The following SLC16A10 variants were observed in gnomAD, a reference collection of about 807,000 sequenced individuals.
SLC16A10 encodes the protein monocarboxylate transporter 10.
In SLC16A10, 27 loss-of-function variants were observed where a neutral mutation model predicts 40.0. That is an observed-to-expected ratio of 0.67 (90% CI 0.50 to 0.93). SLC16A10 has a LOEUF of 0.93. Ranked by LOEUF, SLC16A10 falls within the 40% of genes least tolerant of loss-of-function variation. The pLI is 0.00. For synonymous variants in SLC16A10, 213 were observed against 249.8 expected (o/e 0.85, Z 1.39); for missense variants, 529 against 658.2 (o/e 0.80, Z 2.15).
chr6:111,172,620 T>C, intron 1 of SLC16A10, 75 bp from the exon 2 acceptor site: 1 of 1,548,056 alleles, frequency 6.5e-7, no homozygotes, highest in Non-Finnish European at 8.8e-7. Flanking sequence ...TCTAAATGTG[T>C]ATTATATCAA....
At chr6:111,178,659 G>A (rs1170535797) in intron 3 of SLC16A10, 1 of 213,272 alleles carries the variant, frequency 4.7e-6, no homozygotes, top group Non-Finnish European at 9.3e-6. Flanking sequence ...TTTTGTGGCT[G>A]AAAATGTATT....
At chr6:111,133,062 T>A (rs1266747828) in intron 1 of SLC16A10, among the ~76,000 whole-genome samples, 3 of 152,082 alleles carry the variant, frequency 2.0e-5, no homozygotes, top group African/African-American at 2.4e-5. Context: ...GGCAACTGGG[T>A]TGTTATGAAA....
intron 3 of SLC16A10, among the ~76,000 whole-genome samples, chr6:111,189,384 A>T (rs770140985): frequency 6.6e-6 from 1 of 152,196 alleles, no homozygotes; most frequent in Non-Finnish European, 1.5e-5. Context: ...GAATTTCTCA[A>T]GTCTCTAAGG....
At chr6:111,168,677 A>G (rs763302069) in intron 1 of SLC16A10, among the ~76,000 whole-genome samples, 25 of 152,260 alleles carry the variant, frequency 1.6e-4, no homozygotes, top group Non-Finnish European at 3.5e-4. Context: ...TGATCAGAAG[A>G]CAGACCTAAC....
intron 1 of SLC16A10, among the ~76,000 whole-genome samples, chr6:111,095,105 C>T (rs566565284): frequency 9.2e-5 from 14 of 152,362 alleles, no homozygotes; most frequent in South Asian, 6.2e-4. Flanking sequence ...CTCCCTACTC[C>T]GAAGGCCTGC....
Position 111,127,594 on chromosome 6 carries a change from G to T in SLC16A10, c.343+39499G>T, listed in dbSNP as rs559490434. On this transcript the variant is annotated intron_variant, in intron 1 of 5. Transcript: ENST00000368851. Reference sequence around the variant, plus strand: ...TAGAAGAAATATGTCTTTCTTGCTAGAATCTTATGTGACATACAACTAGTG... The same window carrying T: ...TAGAAGAAATATGTCTTTCTTGCTATAATCTTATGTGACATACAACTAGTG... Among the ~76,000 whole-genome samples, 4 of 152,330 alleles carry T rather than the reference G, an allele frequency of 2.6e-5. No individual in the cohort carries two copies. In the East Asian group the frequency reaches 7.7e-4, roughly 29 times the overall value.
intron 1 of SLC16A10, among the ~76,000 whole-genome samples, chr6:111,113,611 G>A (rs1308164791): frequency 6.6e-6 from 1 of 152,138 alleles, no homozygotes; most frequent in African/African-American, 2.4e-5. Context: ...TTCATTGTGG[G>A]GATTGTGTGT....
At chr6:111,176,564 G>C (rs1166508658) in intron 2 of SLC16A10, among the ~76,000 whole-genome samples, 1 of 152,188 alleles carries the variant, frequency 6.6e-6, no homozygotes, top group Non-Finnish European at 1.5e-5. Flanking sequence ...TCTTTCTGTA[G>C]TCAGAATATG....
At chr6:111,191,067 G>A (rs975881855) in intron 3 of SLC16A10, among the ~76,000 whole-genome samples, 4 of 151,954 alleles carry the variant, frequency 2.6e-5, no homozygotes, top group Non-Finnish European at 5.9e-5. Context: ...TGTGCAGAAC[G>A]TGCAGGTTTG....
intron 1 of SLC16A10, among the ~76,000 whole-genome samples, chr6:111,132,921 A>C (rs1352342407): frequency 1.3e-5 from 2 of 152,218 alleles, no homozygotes; most frequent in Admixed American, 6.5e-5. Context: ...AGCTATTTGC[A>C]CTCAGCCAAG....
At chr6:111,121,641 C>T in intron 1 of SLC16A10, among the ~76,000 whole-genome samples, 1 of 152,168 alleles carries the variant, frequency 6.6e-6, no homozygotes, top group East Asian at 1.9e-4. Context: ...ATTTCCATTA[C>T]AGCTTGGTTT....
intron 1 of SLC16A10, among the ~76,000 whole-genome samples, chr6:111,118,657 G>A (rs1771530903): frequency 5.0e-5 from 7 of 139,986 alleles, no homozygotes; most frequent in Admixed American, 4.7e-4. Context: ...CCCCAGCCTG[G>A]CAACAGAGTG....
intron 1 of SLC16A10, among the ~76,000 whole-genome samples, chr6:111,106,618 T>C (rs1427660752): frequency 6.6e-6 from 1 of 152,240 alleles, no homozygotes; most frequent in African/African-American, 2.4e-5. Flanking sequence ...CACTAATCTT[T>C]GGATAATCAC....
Position 111,177,644 on chromosome 6 carries a change from C to A in SLC16A10, c.921C>A (p.Tyr307Ter). The A allele has an allele frequency of 6.4e-7, 1 of 1,558,738 alleles. No individual in the cohort carries two copies. Among genetic ancestry groups the A allele is most frequent in the Non-Finnish European group, 8.7e-7 (1 of 1,153,518 alleles). The change falls in exon 3 of 6, where the codon TAC becomes TAA. Residue 307 changes from tyrosine to a stop codon, truncating the protein, a stop_gained. Coordinates refer to ENST00000368851, the MANE Select transcript of SLC16A10 (RefSeq NM_018593.5). LOFTEE classifies it high-confidence loss of function. ...AVGIPLALFG[Y>*]FVPYVHLMKH... ...GAATACCACTTGCACTTTTTGGATA[C>A]TTTGTGCCTTATGTTCACTTGGTGA... is the stretch of plus-strand genomic sequence containing the variant.
chr6:111,115,176 A>T (rs1469919901), intron 1 of SLC16A10, among the ~76,000 whole-genome samples: 1 of 152,038 alleles, frequency 6.6e-6, no homozygotes, highest in Non-Finnish European at 1.5e-5. Flanking sequence ...GACAAGTATC[A>T]TGTATTATCT....
At chr6:111,179,758 A>T (rs1772755357) in intron 3 of SLC16A10, among the ~76,000 whole-genome samples, 2 of 152,228 alleles carry the variant, frequency 1.3e-5, no homozygotes, top group Admixed American at 6.5e-5. Flanking sequence ...GTTTTCTTAC[A>T]AAATATGTTG....
chr6:111,100,623 G>A (rs1771157817), intron 1 of SLC16A10, among the ~76,000 whole-genome samples: 1 of 151,938 alleles, frequency 6.6e-6, no homozygotes, highest in African/African-American at 2.4e-5. Flanking sequence ...TCTTGACTTC[G>A]TGATCCGCCT....
intron 3 of SLC16A10, among the ~76,000 whole-genome samples, chr6:111,199,030 G>A (rs2114575340): frequency 6.6e-6 from 1 of 152,330 alleles, no homozygotes; most frequent in Non-Finnish European, 1.5e-5. Context: ...CCATGGCTGA[G>A]CCCTCAGGAG....
At chr6:111,201,169 A>G (rs2114577780) in intron 3 of SLC16A10, among the ~76,000 whole-genome samples, 1 of 152,284 alleles carries the variant, frequency 6.6e-6, no homozygotes, top group African/African-American at 2.4e-5. Context: ...GATGATGTGT[A>G]TCTGATGAGG....
Sources: gnomAD v4.1 joint callset for allele counts (sites outside exome capture counted in the v4.1 genomes callset) on GRCh38, gnomAD v4.1.1 for gene constraint, MANE v1.5 for transcripts, NCBI Gene and HGNC (gene_info 2026-07-23, HGNC 2026-07-21) for gene names.